NFKBIZ: variants seen among roughly 807,000 people sequenced by gnomAD.
NFKBIZ encodes NF-kappa-B inhibitor zeta.
Under a neutral mutation model 76.8 loss-of-function variants are expected in NFKBIZ, and 19 were observed. The ratio of observed to expected loss-of-function variants is 0.25; its 90% confidence interval spans 0.17 to 0.36. The LOEUF (loss-of-function observed/expected upper bound fraction) is 0.36. Ranked by LOEUF, NFKBIZ falls within the 10% of genes least tolerant of loss-of-function variation. The probability of loss-of-function intolerance (pLI) is 1.00; values close to 1 mark genes in which losing one functional copy is unlikely to be tolerated. For synonymous variants in NFKBIZ, 368 were observed against 354.8 expected (o/e 1.04, Z -0.42); for missense variants, 829 against 910.9 (o/e 0.91, Z 1.16).
At chr3:101,832,332 C>T (rs1942657865) in intron 2 of NFKBIZ, among the ~76,000 whole-genome samples, 2 of 152,096 alleles carry the variant, frequency 1.3e-5, no homozygotes, top group South Asian at 4.1e-4. Flanking sequence ...AAGTTGCCAT[C>T]TTATCCATTT....
At chr3:101,841,130 CAA>C (rs1942780139) in intron 2 of NFKBIZ, among the ~76,000 whole-genome samples, 2 of 152,134 alleles carry the variant, frequency 1.3e-5, no homozygotes, top group Admixed American at 1.3e-4. Flanking sequence ...GAAATTTCCT[CAA>C]TATGGTATAC....
chr3:101,836,704 T>C (rs1942725225), intron 2 of NFKBIZ, among the ~76,000 whole-genome samples: 1 of 152,258 alleles, frequency 6.6e-6, no homozygotes, highest in Admixed American at 6.5e-5. Flanking sequence ...CTTTAACAAA[T>C]GTCTTTTAAT....
chr3:101,848,466 C>T (rs1942885051), upstream of NFKBIZ, among the ~76,000 whole-genome samples: 1 of 152,210 alleles, frequency 6.6e-6, no homozygotes, highest in Non-Finnish European at 1.5e-5. Flanking sequence ...TTTTCCTCTA[C>T]CAGACCTGTT....
chr3:101,849,714 C>T lies in NFKBIZ; in HGVS notation c.86C>T (p.Pro29Leu), dbSNP rs1460217515. The stretch of plus-strand genomic sequence containing the variant: ...GGCGGCTGCGGCCTCATGACCAGCC[C>T]GCTCAACCTGAGCTACTTCTACGGC... ...AAGGCGLMTS[P>L]LNLSYFYGAS... Residue 29 changes from proline (P) to leucine (L), a missense_variant, in exon 1 of 12, where the codon CCG (proline) becomes CTG (leucine). By Grantham distance (98) the Pro-to-Leu change is moderately conservative (BLOSUM62 -3). This residue lies in a region of NFKBIZ where 181 missense variants were observed against 175.3 expected (regional missense o/e 1.03). Coordinates refer to ENST00000326172, the MANE Select transcript of NFKBIZ (RefSeq NM_031419.4). 2 of 1,437,280 alleles carry T rather than the reference C, an allele frequency of 1.4e-6. No homozygotes were observed. The highest frequency in any genetic ancestry group is 1.8e-6 in the Non-Finnish European group (2 of 1,100,956). The allele number at this position is 1,437,280 out of a possible 1,614,324, so 89.0% of individuals were successfully genotyped here.
chr3:101,827,991 T>G (rs1942574569), upstream of NFKBIZ: 2 of 152,196 alleles, frequency 1.3e-5, no homozygotes, highest in South Asian at 2.1e-4. Flanking sequence ...GGGGCTGGCC[T>G]CCTCTTGCCA....
At chr3:101,852,046 ATATTTAAC>A (rs1236028676) in intron 1 of NFKBIZ, 31 bp from the exon 2 acceptor site, 1 of 1,599,886 alleles carries the variant, frequency 6.3e-7, no homozygotes, top group Non-Finnish European at 8.5e-7. Flanking sequence ...GTCTGTGAAG[ATATTTAAC>A]CAGGAATATG....
chr3:101,853,898 T>G (rs774019626), intron 5 of NFKBIZ, 35 bp downstream of exon 5: 109 of 1,582,840 alleles, frequency 6.9e-5, no homozygotes, highest in Non-Finnish European at 8.9e-5. Flanking sequence ...CTTAATTAGG[T>G]AAGCCACACT....
At position 101,857,076 on chromosome 3, in the gene NFKBIZ, C is replaced by T. The variant is rs764293413; in HGVS notation, c.1828C>T (p.Arg610Cys). The change falls in exon 10 of 12, where the codon CGC becomes TGC. Residue 610 changes from arginine (R) to cysteine (C), a missense_variant. Around this residue, in one of 4 missense-constraint regions of NFKBIZ, gnomAD observed 272 missense variants for 384.2 expected, o/e 0.71. Transcript: ENST00000326172. Reference protein sequence around the residue: ...QMGAAVEAKDRKSGRTALHLA... With the variant: ...QMGAAVEAKDCKSGRTALHLA... ...CCTCCCTCTTGCCTTTGACAAGGAT[C>T]GCAAAAGTGGCCGCACAGCCCTGCA... The T allele has an allele frequency of 3.7e-5, 59 of 1,601,148 alleles. No homozygotes were observed. In the East Asian group the frequency reaches 3.8e-4, roughly 10 times the overall value.
chr3:101,854,509 T>C (rs2107418899), intron 5 of NFKBIZ, 69 bp from the exon 6 acceptor site: 2 of 950,250 alleles, frequency 2.1e-6, no homozygotes, highest in Non-Finnish European at 1.6e-6. Flanking sequence ...AGATTTTTTT[T>C]TTTTTTTCAA....
In NFKBIZ at chr3:101,854,608, A is replaced by G; in HGVS notation, c.1368A>G (p.Arg456=). 1 of 1,613,280 alleles carries G rather than the reference A, an allele frequency of 6.2e-7. No homozygotes were observed. The highest frequency in any genetic ancestry group is 1.3e-5 in the African/African-American group (1 of 74,826). The part of the protein sequence containing the change: ...TFLHIAVAQG[R]RALSYVLARK... Reference sequence around the variant, plus strand: ...TTCATATTGCTGTTGCCCAAGGGAGAAGGGCACTTTCCTATGTTCTTGCAA... The same window carrying G: ...TTCATATTGCTGTTGCCCAAGGGAGGAGGGCACTTTCCTATGTTCTTGCAA... The change falls in exon 6 of 12, where the codon AGA becomes AGG. Residue 456 remains arginine, a synonymous_variant. Transcript: ENST00000326172.
chr3:101,859,581 A>G lies in NFKBIZ; in HGVS notation c.*210A>G, dbSNP rs560830551. Reference sequence around the variant, plus strand: ...TGGCAGATTTGCATATTTCATACCCAGGTATCTGGGATCTAGACATCTGAA... The same window carrying G: ...TGGCAGATTTGCATATTTCATACCCGGGTATCTGGGATCTAGACATCTGAA... On this transcript the variant is annotated 3_prime_UTR_variant, in exon 12 of 12. Coordinates refer to ENST00000326172, the MANE Select transcript of NFKBIZ (RefSeq NM_031419.4). 5.6e-5 allele frequency: 22 copies of G among 389,822 alleles called. No individual in the cohort carries two copies. Among genetic ancestry groups the G allele is most frequent in the African/African-American group, 4.2e-4 (21 of 50,136 alleles). 24.1% of individuals were successfully genotyped at this position (389,822 alleles called of 1,614,324 possible).
At position 101,859,583 on chromosome 3, in the gene NFKBIZ, G is replaced by C; in HGVS notation, c.*212G>C. 2.6e-6 allele frequency: 1 copy of C among 382,330 alleles called. No homozygotes were observed. The highest frequency in any genetic ancestry group is 2.0e-5 in the African/African-American group (1 of 49,796). 23.7% of individuals were successfully genotyped at this position (382,330 alleles called of 1,614,324 possible). ...GCAGATTTGCATATTTCATACCCAG[G>C]TATCTGGGATCTAGACATCTGAATT... On this transcript the variant is annotated 3_prime_UTR_variant, in exon 12 of 12. Transcript: ENST00000326172.
intron 2 of NFKBIZ, among the ~76,000 whole-genome samples, chr3:101,835,126 A>G (rs190517085): frequency 6.6e-6 from 1 of 152,368 alleles, no homozygotes; most frequent in African/African-American, 2.4e-5. Context: ...CGTTTAACCT[A>G]CCTACTAGCT....
chr3:101,845,005 C>G (rs997477854), upstream of NFKBIZ, among the ~76,000 whole-genome samples: 1 of 152,100 alleles, frequency 6.6e-6, no homozygotes, highest in Admixed American at 6.5e-5. Flanking sequence ...CGGTGGCTCA[C>G]GCCTGTAATC....
At chr3:101,858,975 G>A (rs1443446010) in intron 11 of NFKBIZ, among the ~76,000 whole-genome samples, 1 of 152,136 alleles carries the variant, frequency 6.6e-6, no homozygotes, top group Non-Finnish European at 1.5e-5. Flanking sequence ...CTTAATTACT[G>A]TCTTATGTTA....
intron 2 of NFKBIZ, among the ~76,000 whole-genome samples, chr3:101,833,816 C>T (rs528403738): frequency 6.6e-6 from 1 of 152,278 alleles, no homozygotes; most frequent in African/African-American, 2.4e-5. Flanking sequence ...TTAAACCCAA[C>T]AGTAATGTCA....
At chr3:101,845,777 A>G (rs968898019), upstream of NFKBIZ, among the ~76,000 whole-genome samples, 1 of 152,200 alleles carries the variant, frequency 6.6e-6, no homozygotes, top group Non-Finnish European at 1.5e-5. Context: ...TTTCTTCTTT[A>G]CAGTTTCTTC....
intron 2 of NFKBIZ, among the ~76,000 whole-genome samples, chr3:101,835,671 C>T (rs927759311): frequency 1.3e-5 from 2 of 152,134 alleles, no homozygotes; most frequent in African/African-American, 2.4e-5. Context: ...GGACTCACCC[C>T]GACAGCCCAT....
intron 7 of NFKBIZ, 32 bp from the exon 8 acceptor site, chr3:101,855,363 A>C (rs1225669145): frequency 1.2e-6 from 2 of 1,612,594 alleles, no homozygotes; most frequent in Admixed American, 3.3e-5. Flanking sequence ...CAGCTTATGT[A>C]GCTAACAGAT....
Sources: allele counts gnomAD v4.1 joint callset (sites outside exome capture counted in the v4.1 genomes callset), GRCh38; gene constraint gnomAD v4.1.1; regional missense constraint gnomAD v4.1.1; transcripts MANE v1.5; gene names NCBI Gene and HGNC (gene_info 2026-07-23, HGNC 2026-07-21).